TRPM3: variants seen among roughly 807,000 people sequenced by gnomAD.
The protein encoded by TRPM3 is transient receptor potential cation channel subfamily M member 3.
TRPM3 carries 77 observed loss-of-function variants against 181.2 expected under a neutral mutation model. The ratio of observed to expected loss-of-function variants is 0.42; its 90% CI spans 0.35 to 0.51. The LOEUF (loss-of-function observed/expected upper bound fraction) is 0.51. TRPM3 is among the 20% of genes least tolerant of loss of function. TRPM3 has a pLI of 0.01. For synonymous variants in TRPM3, 745 were observed against 796.4 expected (o/e 0.94, Z 1.09); for missense variants, 1,759 against 2,196.7 (o/e 0.80, Z 3.98).
At chr9:70,761,481 A>G in intron 8 of TRPM3, 120 bp downstream of exon 8, 1 of 1,404,556 alleles carries the variant, frequency 7.1e-7, no homozygotes, top group Non-Finnish European at 1.0e-6. Flanking sequence ...ATGGAGCCTG[A>G]GGAGAGCTGT....
intron 8 of TRPM3, among the ~76,000 whole-genome samples, chr9:70,690,364 C>T (rs2068160539): frequency 6.6e-6 from 1 of 152,196 alleles, no homozygotes. Context: ...TAGGCTTGAG[C>T]ACACTAAAAA....
intron 1 of TRPM3, among the ~76,000 whole-genome samples, chr9:71,006,785 G>A (rs1219251778): frequency 2.7e-5 from 4 of 150,902 alleles, no homozygotes; most frequent in East Asian, 3.9e-4. Flanking sequence ...GCAGGAGAAT[G>A]GCGTGAACCC....
Position 70,761,693 on chromosome 9 carries a change from A to G in TRPM3, c.1180T>C (p.Leu394=), listed in dbSNP as rs770700479. 6 of 1,612,908 alleles carry G rather than the reference A, an allele frequency of 3.7e-6. No homozygotes were observed. The highest frequency in any genetic ancestry group is 1.7e-4 in the Middle Eastern group (1 of 6,050). The change falls in exon 8 of 26, where the codon TTG becomes CTG. Residue 394 remains leucine (L), a synonymous_variant. Coordinates refer to ENST00000677713, the MANE Select transcript of TRPM3 (RefSeq NM_001366145.2). ...LINESLRDQL[L]VTIQKTFTYT... ...GTGAAAGTCTTCTGTATAGTCACCAACAGCTGGTCCCTCAAAGATTCATTT... is the reference window on the plus strand; with the variant it reads ...GTGAAAGTCTTCTGTATAGTCACCAGCAGCTGGTCCCTCAAAGATTCATTT...
chr9:71,179,201 G>A (rs1021387869), intron 1 of TRPM3, among the ~76,000 whole-genome samples: 1 of 152,142 alleles, frequency 6.6e-6, no homozygotes, highest in Admixed American at 6.6e-5. Context: ...AATGCAGTGT[G>A]CCAACTAAAA....
At chr9:70,803,125 A>G (rs2131265343) in intron 6 of TRPM3, among the ~76,000 whole-genome samples, 1 of 142,944 alleles carries the variant, frequency 7.0e-6, no homozygotes, top group Non-Finnish European at 1.5e-5. Flanking sequence ...TTGATGGGGG[A>G]GAAGTGGGAG....
rs1439746976 is a variant in TRPM3, at chr9:70,887,010, TA to T, written c.178-22500del. Among the ~76,000 whole-genome samples the T allele has an allele frequency of 6.6e-5, 10 of 152,284 alleles. No individual in the cohort carries two copies. In the South Asian group the frequency reaches 1.9e-3, roughly 28 times the overall value. On this transcript the variant is annotated intron_variant, in intron 1 of 25. Transcript: ENST00000677713. ...AAATATAACTGCAATTGACAGGAAA[TA>T]AAATCAAAACATATGATGAGTCAAA...
At chr9:71,298,885 AG>A (rs2086531293) in intron 1 of TRPM3, among the ~76,000 whole-genome samples, 1 of 152,226 alleles carries the variant, frequency 6.6e-6, no homozygotes, top group African/African-American at 2.4e-5. Context: ...AATAAGAACC[AG>A]TTCAACTTAT....
intron 1 of TRPM3, among the ~76,000 whole-genome samples, chr9:71,006,963 T>C (rs566560129): frequency 1.5e-5 from 2 of 129,970 alleles, no homozygotes; most frequent in African/African-American, 5.9e-5. Context: ...CACTTGAACC[T>C]GGGAGGCAGA....
intron 1 of TRPM3, among the ~76,000 whole-genome samples, chr9:70,914,155 T>C (rs2096566844): frequency 6.6e-6 from 1 of 152,220 alleles, no homozygotes; most frequent in African/African-American, 2.4e-5. Flanking sequence ...TCCTTCCTCA[T>C]GAATGGAGTT....
intron 1 of TRPM3, among the ~76,000 whole-genome samples, chr9:71,395,983 A>C (rs572768956): frequency 9.3e-4 from 142 of 152,360 alleles, no homozygotes; most frequent in African/African-American, 3.3e-3. Context: ...AACCATTTAG[A>C]AAAGCTAAAA....
intron 25 of TRPM3, among the ~76,000 whole-genome samples, chr9:70,548,086 G>A (rs2045507755): frequency 6.6e-6 from 1 of 152,048 alleles, no homozygotes. Context: ...CATTTCAAAG[G>A]CCTGTAGACA....
chr9:70,785,396 T>C (rs187160736), intron 6 of TRPM3, among the ~76,000 whole-genome samples: 1 of 152,234 alleles, frequency 6.6e-6, no homozygotes, highest in Non-Finnish European at 1.5e-5. Context: ...CTTCCTTTTG[T>C]TCAATTTGGT....
chr9:70,648,231 T>G (rs1349455723), intron 9 of TRPM3, among the ~76,000 whole-genome samples: 1 of 152,182 alleles, frequency 6.6e-6, no homozygotes, highest in African/African-American at 2.4e-5. Flanking sequence ...TACCAGCATT[T>G]TGGGAGATGG....
At chr9:71,250,691 A>T (rs2082292923) in intron 1 of TRPM3, among the ~76,000 whole-genome samples, 1 of 152,180 alleles carries the variant, frequency 6.6e-6, no homozygotes, top group African/African-American at 2.4e-5. Flanking sequence ...TGAACCTTTG[A>T]TGTGAAACAT....
At chr9:70,863,470 A>G (rs755565156) in intron 2 of TRPM3, among the ~76,000 whole-genome samples, 50 of 152,258 alleles carry the variant, frequency 3.3e-4, no homozygotes, top group Non-Finnish European at 5.9e-4. Flanking sequence ...AATCTATCAA[A>G]GCACGAAGGT....
intron 1 of TRPM3, among the ~76,000 whole-genome samples, chr9:71,072,754 C>G (rs989575349): frequency 6.6e-6 from 1 of 152,150 alleles, no homozygotes; most frequent in Non-Finnish European, 1.5e-5. Context: ...ACTGCTCTCA[C>G]GAAAGCAGGA....
intron 1 of TRPM3, among the ~76,000 whole-genome samples, chr9:70,983,179 TC>T (rs2097381201): frequency 6.6e-6 from 1 of 152,070 alleles, no homozygotes; most frequent in South Asian, 2.1e-4. Context: ...CAACCTCTCT[TC>T]TCTTGATGTT....
chr9:70,846,876 A>C (rs2094980193), intron 3 of TRPM3, among the ~76,000 whole-genome samples: 1 of 152,200 alleles, frequency 6.6e-6, no homozygotes, highest in Non-Finnish European at 1.5e-5. Flanking sequence ...CTTTGCTCAA[A>C]GGAAATCATT....
At chr9:70,761,846 T>A (rs890248460) in intron 7 of TRPM3, 122 bp from the exon 8 acceptor site, 8 of 1,191,412 alleles carry the variant, frequency 6.7e-6, no homozygotes, top group Non-Finnish European at 9.0e-6. Context: ...TATTTCTGTA[T>A]TTTTCTCACA....
Sources: gnomAD v4.1 joint callset for allele counts (sites outside exome capture counted in the v4.1 genomes callset) on GRCh38, gnomAD v4.1.1 for gene constraint, MANE v1.5 for transcripts, NCBI Gene and HGNC (gene_info 2026-07-23, HGNC 2026-07-21) for gene names.